Variants in STX8 observed in about 807,000 individuals in gnomAD.
The protein encoded by STX8 is syntaxin 8.
Under a neutral mutation model 37.5 loss-of-function variants are expected in STX8, and 23 were observed. That is an observed-to-expected ratio of 0.61 (90% confidence interval 0.44 to 0.87). STX8 has a LOEUF of 0.87. Ranked by LOEUF, STX8 falls within the 40% of genes least tolerant of loss-of-function variation. The pLI, the probability that STX8 is intolerant of heterozygous loss-of-function variation, is 0.00. For synonymous variants in STX8, 115 were observed against 99.1 expected, an observed-to-expected ratio of 1.16 and a Z score of -0.95; for missense variants, 313 against 284.7, an observed-to-expected ratio of 1.10 and a Z score of -0.71.
intron 2 of STX8, among the ~76,000 whole-genome samples, chr17:9,566,100 G>A (rs1417633388): frequency 6.6e-6 from 1 of 152,072 alleles, no homozygotes; most frequent in Non-Finnish European, 1.5e-5. Context: ...AGGAACTTAA[G>A]CAAATTTACA....
intron 7 of STX8, among the ~76,000 whole-genome samples, chr17:9,320,620 T>A (rs1909544189): frequency 2.0e-5 from 3 of 151,828 alleles, no homozygotes; most frequent in Admixed American, 1.3e-4. Context: ...TGGCCGGGCA[T>A]GGTGGCTCAC....
rs115015822 is a variant in STX8 at position 9,531,250 on chromosome 17, C to G, written c.323+13922G>C. Among the ~76,000 whole-genome samples, 1,212 of 129,380 alleles carry G rather than the reference C, an allele frequency of 9.4e-3. 20 individuals carry two copies. The highest frequency in any genetic ancestry group is 0.03 in the African/African-American group (1,154 of 38,906). 84.9% of individuals were successfully genotyped at this position (129,380 alleles called of 152,430 possible). On this transcript the variant is annotated intron_variant, in intron 4 of 7. Coordinates refer to ENST00000306357, the MANE Select transcript of STX8 (RefSeq NM_004853.3). Reference sequence around the variant, plus strand: ...GTTCTTAAAAATTGTCTCAGCTTTTCTTATCTCTTTGCATTAACCATATAA... The same window carrying G: ...GTTCTTAAAAATTGTCTCAGCTTTTGTTATCTCTTTGCATTAACCATATAA...
intron 6 of STX8, among the ~76,000 whole-genome samples, chr17:9,479,793 G>C (rs915407348): frequency 1.3e-5 from 2 of 151,794 alleles, no homozygotes; most frequent in Non-Finnish European, 2.9e-5. Flanking sequence ...GACACCACAA[G>C]CCCTAACCCC....
At chr17:9,394,072 AAAC>A (rs1912317132) in intron 6 of STX8, among the ~76,000 whole-genome samples, 1 of 152,224 alleles carries the variant, frequency 6.6e-6, no homozygotes, top group Non-Finnish European at 1.5e-5. Context: ...AGAGGAGGAA[AAAC>A]AATAGAAGCA....
chr17:9,572,765 C>A (rs558652535), intron 1 of STX8, among the ~76,000 whole-genome samples: 5 of 152,154 alleles, frequency 3.3e-5, no homozygotes, highest in Admixed American at 6.6e-5. Context: ...AATCAGCGAC[C>A]CATTTTGTGC....
At chr17:9,278,688 AAGAG>A (rs1334986955) in intron 7 of STX8, among the ~76,000 whole-genome samples, 9 of 152,124 alleles carry the variant, frequency 5.9e-5, no homozygotes, top group Non-Finnish European at 1.2e-4. Context: ...TGGAGCTCAG[AAGAG>A]AGATCTTGGG....
intron 4 of STX8, among the ~76,000 whole-genome samples, chr17:9,530,366 A>G (rs928277993): frequency 2.6e-5 from 4 of 151,800 alleles, no homozygotes; most frequent in Admixed American, 6.6e-5. Context: ...TGCCTTTTGT[A>G]TAGTTCCATT....
chr17:9,537,680 C>T (rs1049497463), intron 4 of STX8, among the ~76,000 whole-genome samples: 3 of 152,168 alleles, frequency 2.0e-5, no homozygotes, highest in Admixed American at 6.5e-5. Context: ...CATGAAGACG[C>T]TCATTCATTG....
At chr17:9,325,733 C>G (rs1316997254) in intron 7 of STX8, among the ~76,000 whole-genome samples, 1 of 152,240 alleles carries the variant, frequency 6.6e-6, no homozygotes, top group Non-Finnish European at 1.5e-5. Context: ...GTTTGCTTTC[C>G]AGCTGAACCC....
intron 5 of STX8, 68 bp from the exon 6 acceptor site, chr17:9,491,989 C>G (rs550284371): frequency 9.1e-7 from 1 of 1,102,368 alleles, no homozygotes; most frequent in Admixed American, 2.3e-5. Flanking sequence ...ATAAGTATAC[C>G]CAGGCATATA....
intron 6 of STX8, among the ~76,000 whole-genome samples, chr17:9,441,672 C>CTTTTT (rs1161609414): frequency 6.4e-5 from 6 of 93,272 alleles, no homozygotes; most frequent in East Asian, 3.1e-4. Flanking sequence ...AGCACCATGG[C>CTTTTT]TTTTTTTTTT....
chr17:9,386,919 G>A (rs1342204351), intron 6 of STX8, among the ~76,000 whole-genome samples: 2 of 151,876 alleles, frequency 1.3e-5, no homozygotes, highest in Non-Finnish European at 2.9e-5. Flanking sequence ...GCCCAGGCTG[G>A]AGTGCAGTGG....
intron 6 of STX8, among the ~76,000 whole-genome samples, chr17:9,406,004 T>G (rs916408726): frequency 6.6e-6 from 1 of 152,232 alleles, no homozygotes; most frequent in African/African-American, 2.4e-5. Context: ...CACTACAGAA[T>G]AGCTGCATTT....
intron 6 of STX8, among the ~76,000 whole-genome samples, chr17:9,439,658 G>C (rs1449484731): frequency 1.3e-5 from 2 of 151,790 alleles, no homozygotes; most frequent in Non-Finnish European, 2.9e-5. Context: ...ACCATGCCCA[G>C]CTAATTTTTG....
chr17:9,307,148 A>ATAAATAAATAAAGTAAG (rs1454843732), intron 7 of STX8, among the ~76,000 whole-genome samples: 5 of 152,270 alleles, frequency 3.3e-5, no homozygotes, highest in African/African-American at 1.2e-4. Context: ...AAGTAAGTAA[A>ATAAATAAATAAAGTAAG]TAAATAAATA....
intron 7 of STX8, among the ~76,000 whole-genome samples, chr17:9,326,703 C>A (rs1331457227): frequency 6.6e-6 from 1 of 152,196 alleles, no homozygotes; most frequent in East Asian, 1.9e-4. Context: ...CATTCCAACA[C>A]AGAAGGGACA....
chr17:9,418,279 C>T (rs1268464446), intron 6 of STX8, among the ~76,000 whole-genome samples: 2 of 152,066 alleles, frequency 1.3e-5, no homozygotes, highest in Non-Finnish European at 2.9e-5. Flanking sequence ...AGGGAAAAAC[C>T]TCTGATTGGT....
chr17:9,430,274 C>T (rs998436433), intron 6 of STX8, among the ~76,000 whole-genome samples: 2 of 141,580 alleles, frequency 1.4e-5, no homozygotes, highest in Admixed American at 1.6e-4. Flanking sequence ...AATTCTGTGG[C>T]ATTAATTACA....
chr17:9,502,245 A>C (rs1904642968), intron 5 of STX8, among the ~76,000 whole-genome samples: 3 of 152,218 alleles, frequency 2.0e-5, no homozygotes, highest in African/African-American at 7.2e-5. Flanking sequence ...TATATGCAGA[A>C]TCTGAAAAAG....
Sources: gnomAD v4.1 joint callset for allele counts (sites outside exome capture counted in the v4.1 genomes callset) on GRCh38, gnomAD v4.1.1 for gene constraint, MANE v1.5 for transcripts, NCBI Gene and HGNC (gene_info 2026-07-23, HGNC 2026-07-21) for gene names.